The following ERC2 variants were observed in gnomAD, a reference collection of about 807,000 sequenced individuals.
ERC2 encodes ELKS/RAB6-interacting/CAST family member 2, also known as ERC protein 2.
ERC2 carries 42 observed loss-of-function variants against 114.8 expected under a neutral mutation model. The ratio of observed to expected loss-of-function variants is 0.37; its 90% CI spans 0.29 to 0.47. The LOEUF is 0.47. Ranked by LOEUF, ERC2 falls within the 20% of genes least tolerant of loss-of-function variation. ERC2 has a pLI of 0.99. For missense variants in ERC2, 939 were observed against 1,150.7 expected, an observed-to-expected ratio of 0.82 and a Z score of 2.66; for synonymous variants, 454 against 425.5, an observed-to-expected ratio of 1.07 and a Z score of -0.82.
At chr3:55,859,023 A>G (rs553393772) in intron 14 of ERC2, among the ~76,000 whole-genome samples, 2 of 151,790 alleles carry the variant, frequency 1.3e-5, no homozygotes, top group South Asian at 4.2e-4. Flanking sequence ...GCACCTTCCC[A>G]TTTTGCATCC....
chr3:56,236,331 CT>C (rs1297524151), intron 3 of ERC2, among the ~76,000 whole-genome samples: 15 of 151,942 alleles, frequency 9.9e-5, no homozygotes, highest in Non-Finnish European at 1.3e-4. Flanking sequence ...AGAAAATCAA[CT>C]TTTTTTCCTC....
At chr3:55,554,317 A>C (rs2055441570) in intron 17 of ERC2, among the ~76,000 whole-genome samples, 1 of 152,226 alleles carries the variant, frequency 6.6e-6, no homozygotes, top group African/African-American at 2.4e-5. Flanking sequence ...CTTTGAGACC[A>C]AAGATGGCCT....
intron 6 of ERC2, among the ~76,000 whole-genome samples, chr3:56,121,755 G>A (rs1200921853): frequency 1.3e-5 from 2 of 152,156 alleles, no homozygotes; most frequent in African/African-American, 4.8e-5. Flanking sequence ...GCTTATATGT[G>A]TATATATATT....
intron 14 of ERC2, among the ~76,000 whole-genome samples, chr3:55,775,267 C>CACA (rs1294366462): frequency 6.6e-6 from 1 of 152,134 alleles, no homozygotes; most frequent in African/African-American, 2.4e-5. Context: ...TGTGGTAGCT[C>CACA]ACACCTGTAA....
chr3:55,820,220 G>A (rs2060070232), intron 14 of ERC2, among the ~76,000 whole-genome samples: 1 of 152,134 alleles, frequency 6.6e-6, no homozygotes, highest in South Asian at 2.1e-4. Flanking sequence ...AGAGAGTGGA[G>A]CCACAAAACA....
chr3:55,825,599 TC>T (rs1298080179), intron 14 of ERC2, among the ~76,000 whole-genome samples: 1 of 152,230 alleles, frequency 6.6e-6, no homozygotes, highest in African/African-American at 2.4e-5. Context: ...GCTGTTTTTT[TC>T]AATGGACATA....
chr3:56,221,976 T>C (rs1321740768), intron 3 of ERC2, among the ~76,000 whole-genome samples: 2 of 152,228 alleles, frequency 1.3e-5, no homozygotes, highest in Non-Finnish European at 2.9e-5. Flanking sequence ...AGCTCTGTCA[T>C]CTTCTGATTA....
In ERC2 at chr3:56,080,900, T is replaced by C. The variant is rs2077197271; in HGVS notation, c.1558A>G (p.Lys520Glu). ...TKQLQDLTEE[K>E]GTLAGEIRDM... is the part of the protein sequence containing the mutation. Reference sequence around the variant, plus strand: ...CGAATTTCACCGGCCAGTGTCCCCTTCTCTTCTGTGAGGTCCTGTAGCTGT... The same window carrying C: ...CGAATTTCACCGGCCAGTGTCCCCTCCTCTTCTGTGAGGTCCTGTAGCTGT... Residue 520 changes from lysine to glutamate, a missense_variant, in exon 7 of 18, where the codon AAG (lysine) becomes GAG (glutamate). Lys to Glu is a moderately conservative substitution (Grantham distance 56). Coordinates refer to ENST00000288221, the MANE Select transcript of ERC2 (RefSeq NM_015576.3). 1 of 1,613,654 alleles carries C rather than the reference T, an allele frequency of 6.2e-7. No homozygotes were observed. The highest frequency in any genetic ancestry group is 8.5e-7 in the Non-Finnish European group (1 of 1,179,768).
intron 14 of ERC2, among the ~76,000 whole-genome samples, chr3:55,836,355 A>C (rs1394726188): frequency 6.6e-6 from 1 of 152,108 alleles, no homozygotes; most frequent in African/African-American, 2.4e-5. Context: ...TTCAAACTAT[A>C]CTACAAGGCT....
intron 2 of ERC2, among the ~76,000 whole-genome samples, chr3:56,424,340 A>G (rs1417365582): frequency 2.6e-5 from 4 of 152,170 alleles, no homozygotes. Flanking sequence ...TCCAGAGAGA[A>G]AAATGGAAGA....
At chr3:56,010,827 G>A (rs752922720) in intron 8 of ERC2, among the ~76,000 whole-genome samples, 5 of 152,196 alleles carry the variant, frequency 3.3e-5, no homozygotes, top group Admixed American at 6.5e-5. Context: ...GCAAAGGAAC[G>A]TAATGTTCAA....
chr3:55,935,069 C>T (rs943640331), intron 13 of ERC2, among the ~76,000 whole-genome samples: 2 of 152,154 alleles, frequency 1.3e-5, no homozygotes, highest in African/African-American at 4.8e-5. Flanking sequence ...AGCTTTGGAA[C>T]CATCTTCAGA....
chr3:55,536,632 CTTAT>C (rs1055640731), intron 17 of ERC2, among the ~76,000 whole-genome samples: 2 of 152,188 alleles, frequency 1.3e-5, no homozygotes, highest in Non-Finnish European at 2.9e-5. Flanking sequence ...AAAATTGAAA[CTTAT>C]TTAAAGAGTT....
chr3:55,843,790 G>T (rs986588194), intron 14 of ERC2, among the ~76,000 whole-genome samples: 1 of 152,134 alleles, frequency 6.6e-6, no homozygotes, highest in Non-Finnish European at 1.5e-5. Flanking sequence ...GGCTCCAGTT[G>T]TTACACTAAA....
At chr3:55,933,782 T>C (rs1041393523) in intron 13 of ERC2, among the ~76,000 whole-genome samples, 5 of 152,184 alleles carry the variant, frequency 3.3e-5, no homozygotes, top group African/African-American at 1.2e-4. Context: ...CAGGAACCCT[T>C]TGCCCACCTC....
chr3:55,823,427 T>C (rs1575722334), intron 14 of ERC2, among the ~76,000 whole-genome samples: 1 of 152,178 alleles, frequency 6.6e-6, no homozygotes, highest in African/African-American at 2.4e-5. Flanking sequence ...TACCCTGCTG[T>C]CCTGGTAAAC....
intron 1 of ERC2, among the ~76,000 whole-genome samples, chr3:56,456,956 CGAAGT>C (rs1481458912): frequency 9.9e-5 from 13 of 131,804 alleles, no homozygotes; most frequent in Non-Finnish European, 1.5e-4. Context: ...TAAATCATAT[CGAAGT>C]AAAGTAAGAG....
At chr3:56,335,468 G>C (rs1392172083) in intron 2 of ERC2, among the ~76,000 whole-genome samples, 1 of 152,112 alleles carries the variant, frequency 6.6e-6, no homozygotes, top group African/African-American at 2.4e-5. Flanking sequence ...TTTAAAACTG[G>C]GGTGAGGGGT....
rs1466837903 is a variant in ERC2, at chr3:56,434,850, T to C, written c.158A>G (p.Asn53Ser). Residue 53 changes from asparagine (N) to serine (S), a missense_variant, in exon 2 of 18, where the codon AAT (asparagine) becomes AGT (serine). Around this residue, in one of 5 missense-constraint regions of ERC2, gnomAD observed 281 missense variants for 307.4 expected, o/e 0.91. Coordinates refer to ENST00000288221, the MANE Select transcript of ERC2 (RefSeq NM_015576.3). ...TLSMENIQSL[N>S]AAYATSGPMY... Reference sequence around the variant, plus strand: ...GGGTCCAGACGTAGCATAGGCTGCATTGAGGGACTGGATATTCTCCATAGA... The same window carrying C: ...GGGTCCAGACGTAGCATAGGCTGCACTGAGGGACTGGATATTCTCCATAGA... 27 of 1,613,904 alleles carry C rather than the reference T, an allele frequency of 1.7e-5. No homozygotes were observed. The East Asian group carries it at 4.9e-4, about 29-fold the overall frequency.
Sources: gnomAD v4.1 joint callset for allele counts (sites outside exome capture counted in the v4.1 genomes callset) on GRCh38, gnomAD v4.1.1 for gene constraint, gnomAD v4.1.1 regional missense constraint, MANE v1.5 for transcripts, NCBI Gene and HGNC (gene_info 2026-07-23, HGNC 2026-07-21) for gene names.